RNF150: variants seen among roughly 807,000 people sequenced by gnomAD.
RNF150 encodes the protein ring finger protein 150.
RNF150 carries 24 observed loss-of-function variants against 39.3 expected under a neutral mutation model. The observed-to-expected ratio is 0.61, with a 90% CI of 0.44 to 0.86. The LOEUF (loss-of-function observed/expected upper bound fraction) is 0.86. Among genes scored for constraint, RNF150 ranks in the 40% least tolerant of loss-of-function variants. The pLI is 0.00. For synonymous variants in RNF150, 255 were observed against 227.3 expected (o/e 1.12, Z -1.10); for missense variants, 502 against 587.8 (o/e 0.85, Z 1.51).
intron 1 of RNF150, among the ~76,000 whole-genome samples, chr4:140,989,108 C>T (rs769927794): frequency 3.3e-5 from 5 of 152,122 alleles, no homozygotes; most frequent in Non-Finnish European, 5.9e-5. Flanking sequence ...GTAGTTAAAA[C>T]CTGGTTGCTT....
intron 1 of RNF150, among the ~76,000 whole-genome samples, chr4:141,125,030 C>T (rs1010303242): frequency 1.2e-4 from 18 of 151,816 alleles, no homozygotes; most frequent in South Asian, 2.1e-4. Flanking sequence ...ATGGAATGGG[C>T]GAAGTAAAAA....
intron 1 of RNF150, among the ~76,000 whole-genome samples, chr4:141,104,585 C>T (rs1739134995): frequency 6.6e-6 from 1 of 152,178 alleles, no homozygotes; most frequent in Admixed American, 6.5e-5. Flanking sequence ...GCTTCCCCAT[C>T]TCTGAAGCCG....
chr4:141,068,315 T>C (rs1737544547), intron 1 of RNF150, among the ~76,000 whole-genome samples: 2 of 152,216 alleles, frequency 1.3e-5, no homozygotes, highest in Admixed American at 1.3e-4. Flanking sequence ...TTAGCACTGA[T>C]GTTGATCAAA....
chr4:141,152,644 C>T (rs1203434549), intron 1 of RNF150, among the ~76,000 whole-genome samples: 2 of 151,998 alleles, frequency 1.3e-5, no homozygotes, highest in Non-Finnish European at 1.5e-5. Context: ...TACTTTATCA[C>T]CATTATAAGG....
At chr4:141,134,916 AT>A (rs1168506754), upstream of RNF150, among the ~76,000 whole-genome samples, 3 of 151,852 alleles carry the variant, frequency 2.0e-5, no homozygotes, top group Non-Finnish European at 2.9e-5. Flanking sequence ...ATCGCTTAGC[AT>A]TTTTTTTCTC....
At chr4:141,174,807 T>A (rs1727781853) in intron 1 of RNF150, among the ~76,000 whole-genome samples, 1 of 151,146 alleles carries the variant, frequency 6.6e-6, no homozygotes, top group Non-Finnish European at 1.5e-5. Flanking sequence ...GAAGAGAATA[T>A]AGCTCTATTA....
intron 1 of RNF150, among the ~76,000 whole-genome samples, chr4:141,190,095 C>T (rs1728079554): frequency 6.6e-6 from 1 of 152,102 alleles, no homozygotes; most frequent in African/African-American, 2.4e-5. Context: ...TTCACTGGCC[C>T]CTTGCACTTC....
intron 1 of RNF150, among the ~76,000 whole-genome samples, chr4:141,000,102 A>AGG (rs1734609182): frequency 1.4e-5 from 2 of 146,536 alleles, no homozygotes; most frequent in African/African-American, 2.5e-5. Flanking sequence ...GAAGAAGAAG[A>AGG]AGAAGAGGAG....
chr4:141,174,887 G>GAAAAAAAA (rs548297378), intron 1 of RNF150, among the ~76,000 whole-genome samples: 1 of 126,580 alleles, frequency 7.9e-6, no homozygotes, highest in Non-Finnish European at 1.6e-5. Flanking sequence ...CCTGTATCAG[G>GAAAAAAAA]AAAAAAAAAA....
intron 6 of RNF150, among the ~76,000 whole-genome samples, chr4:140,892,851 A>G (rs1393750316): frequency 1.3e-5 from 2 of 152,096 alleles, no homozygotes; most frequent in Non-Finnish European, 2.9e-5. Flanking sequence ...GCTTGAGGCC[A>G]GGAGTTTGGG....
chr4:141,076,905 G>A (rs1737916708), intron 1 of RNF150, among the ~76,000 whole-genome samples: 1 of 152,000 alleles, frequency 6.6e-6, no homozygotes, highest in African/African-American at 2.4e-5. Flanking sequence ...CTGTTTGCAG[G>A]GCAGCTTTGA....
chr4:140,972,852 T>C (rs1229415495), intron 1 of RNF150, among the ~76,000 whole-genome samples: 2 of 152,140 alleles, frequency 1.3e-5, no homozygotes, highest in East Asian at 1.9e-4. Flanking sequence ...ATAAGTATCA[T>C]TAAGAAATAT....
chr4:141,157,823 A>G (rs937883225), intron 1 of RNF150, among the ~76,000 whole-genome samples: 1 of 152,250 alleles, frequency 6.6e-6, no homozygotes, highest in African/African-American at 2.4e-5. Context: ...AATAGTGTTG[A>G]GAAAAGACCA....
intron 1 of RNF150, among the ~76,000 whole-genome samples, chr4:141,122,430 C>T (rs1254388235): frequency 6.6e-6 from 1 of 152,248 alleles, no homozygotes; most frequent in East Asian, 1.9e-4. Context: ...GATGTCTTTT[C>T]TCCTTCAAAG....
rs576891356 is a variant in RNF150, at chr4:140,919,801, G to A, written c.987+6176C>T. On this transcript the variant is annotated intron_variant, in intron 5 of 6. Coordinates refer to ENST00000515673, the MANE Select transcript of RNF150 (RefSeq NM_020724.2). ...ACTTCAAACTTGGTTACAAGGCTACGGTAATCAAAACAGCATGGTACTGGT... is the reference window on the plus strand; with the variant it reads ...ACTTCAAACTTGGTTACAAGGCTACAGTAATCAAAACAGCATGGTACTGGT... 9.2e-3 allele frequency among the ~76,000 whole-genome samples: 1,218 copies of A among 132,174 alleles called. 14 individuals carry two copies. Among genetic ancestry groups the A allele is most frequent in the African/African-American group, 0.032 (1,159 of 36,720 alleles). 86.7% of individuals were successfully genotyped at this position (132,174 alleles called of 152,430 possible). A position where few individuals can be genotyped will look rare whatever the true frequency, so the allele number is the denominator to read the frequency against.
chr4:141,104,110 G>A (rs1466561520), intron 1 of RNF150, among the ~76,000 whole-genome samples: 2 of 152,140 alleles, frequency 1.3e-5, no homozygotes, highest in Non-Finnish European at 2.9e-5. Flanking sequence ...GGAAAGGAGT[G>A]AAGGTCAAGT....
intron 1 of RNF150, among the ~76,000 whole-genome samples, chr4:141,087,683 A>T (rs1210482852): frequency 6.6e-6 from 1 of 152,056 alleles, no homozygotes; most frequent in African/African-American, 2.4e-5. Context: ...ACAATGCGCT[A>T]TTTTTCTTCC....
intron 1 of RNF150, among the ~76,000 whole-genome samples, chr4:141,211,634 T>C (rs1274643617): frequency 6.6e-6 from 1 of 152,042 alleles, no homozygotes; most frequent in Non-Finnish European, 1.5e-5. Flanking sequence ...AGGAAAGTAA[T>C]AGAATTGACT....
At chr4:141,156,468 G>A (rs1330257114) in intron 1 of RNF150, among the ~76,000 whole-genome samples, 2 of 151,926 alleles carry the variant, frequency 1.3e-5, no homozygotes, top group African/African-American at 2.4e-5. Flanking sequence ...TTATTTTAGA[G>A]ACGAGGTCTT....
Sources: allele counts gnomAD v4.1 joint callset (sites outside exome capture counted in the v4.1 genomes callset), GRCh38; gene constraint gnomAD v4.1.1; transcripts MANE v1.5; gene names NCBI Gene and HGNC (gene_info 2026-07-23, HGNC 2026-07-21).